AOX1: variants seen among roughly 807,000 people sequenced by gnomAD.
The protein encoded by AOX1 is aldehyde oxidase.
A neutral mutation model predicts 169.5 loss-of-function variants in AOX1; 153 were observed. The ratio of observed to expected loss-of-function variants is 0.90; its 90% CI spans 0.79 to 1.03. The LOEUF (loss-of-function observed/expected upper bound fraction) is 1.03. AOX1 is among the 50% of genes least tolerant of loss of function. AOX1 has a pLI of 0.00. For synonymous variants in AOX1, 562 were observed against 581.9 expected, an observed-to-expected ratio of 0.97 and a Z score of 0.49; for missense variants, 1,656 against 1,663.9, an observed-to-expected ratio of 1.00 and a Z score of 0.08.
At chr2:200,643,691 C>G (rs1280609074) in intron 25 of AOX1, among the ~76,000 whole-genome samples, 1 of 151,754 alleles carries the variant, frequency 6.6e-6, no homozygotes, top group African/African-American at 2.4e-5. Context: ...TAGATGTGTT[C>G]CCTGTTCACC....
intron 2 of AOX1, 152 bp downstream of exon 2, chr2:200,593,355 A>T (rs916398043): frequency 1.4e-6 from 1 of 691,036 alleles, no homozygotes; most frequent in Non-Finnish European, 2.4e-6. Flanking sequence ...AAGTCCTATC[A>T]TTTTATAGGC....
At chr2:200,626,040 T>G (rs1196928839) in intron 19 of AOX1, among the ~76,000 whole-genome samples, 1 of 152,188 alleles carries the variant, frequency 6.6e-6, no homozygotes, top group Non-Finnish European at 1.5e-5. Context: ...AACAACAACA[T>G]GAGCATAGCT....
intron 31 of AOX1, among the ~76,000 whole-genome samples, 164 bp from the exon 32 acceptor site, chr2:200,666,523 T>C (rs1025874020): frequency 5.9e-5 from 9 of 152,338 alleles, no homozygotes; most frequent in African/African-American, 2.2e-4. Context: ...AAGTTTTACA[T>C]AATAAACTTT....
chr2:200,657,186 A>ATTTTTT (rs1323706482), intron 27 of AOX1, among the ~76,000 whole-genome samples: 12 of 65,780 alleles, frequency 1.8e-4, no homozygotes, highest in Non-Finnish European at 2.6e-4. Context: ...ATATATATAT[A>ATTTTTT]TATATTTTTT....
At chr2:200,652,675 T>A (rs75434813) in intron 26 of AOX1, among the ~76,000 whole-genome samples, 1 of 152,218 alleles carries the variant, frequency 6.6e-6, no homozygotes, top group Non-Finnish European at 1.5e-5. Flanking sequence ...CATGGCGCAC[T>A]GCCTCTATTT....
At chr2:200,618,749 A>C (rs1434218213) in intron 16 of AOX1, among the ~76,000 whole-genome samples, 1 of 152,166 alleles carries the variant, frequency 6.6e-6, no homozygotes, top group Non-Finnish European at 1.5e-5. Context: ...GCACTGGAGA[A>C]CTGTACATTT....
In AOX1 at chr2:200,604,046, G is replaced by T; in HGVS notation, c.618G>T (p.Glu206Asp). The T allele has an allele frequency of 6.2e-7, 1 of 1,613,378 alleles. No homozygotes were observed. The highest frequency in any genetic ancestry group is 8.5e-7 in the Non-Finnish European group (1 of 1,179,360). Residue 206 changes from glutamate (E) to aspartate (D), a missense_variant, in exon 8 of 35, where the codon GAG becomes GAT. Coordinates refer to ENST00000374700, the MANE Select transcript of AOX1 (RefSeq NM_001159.4). ...GTCCAAAACTCTTCGCAGAAGAGGA[G>T]TTTCTGCCATTGGATCCAACCCAGG... is the stretch of plus-strand genomic sequence containing the variant. ...KTSPKLFAEEEFLPLDPTQEL... is the reference protein window; with the variant it reads ...KTSPKLFAEEDFLPLDPTQEL...
At chr2:200,651,261 G>A in intron 26 of AOX1, 60 bp downstream of exon 26, 1 of 1,479,770 alleles carries the variant, frequency 6.8e-7, no homozygotes, top group Non-Finnish European at 9.4e-7. Context: ...AAAGCAAGAG[G>A]TGTTGAGGAA....
chr2:200,669,471 A>C (rs1053111578), intron 33 of AOX1, 104 bp from the exon 34 acceptor site: 2 of 1,249,562 alleles, frequency 1.6e-6, no homozygotes, highest in South Asian at 3.0e-5. Context: ...AAATGTACAT[A>C]TGTAGTACGT....
In AOX1 at chr2:200,604,756, T is replaced by A. The variant is rs774683553; in HGVS notation, c.730T>A (p.Phe244Ile). The A allele has an allele frequency of 6.2e-7, 1 of 1,613,984 alleles. No homozygotes were observed. The highest frequency in any genetic ancestry group is 2.2e-5 in the East Asian group (1 of 44,864). The change falls in exon 9 of 35, where the codon TTT becomes ATT. Residue 244 changes from phenylalanine (F) to isoleucine (I), a missense_variant. Phe to Ile is a conservative substitution (Grantham distance 21, BLOSUM62 0). Transcript: ENST00000374700. ...RVFGSERMMW[F>I]SPVTLKELLE... is the part of the protein sequence containing the mutation. ...GTTTGGCAGTGAGAGAATGATGTGG[T>A]TTTCCCCCGTGACCCTGAAGGAACT...
intron 31 of AOX1, among the ~76,000 whole-genome samples, chr2:200,665,512 GC>G (rs1281730768): frequency 6.6e-6 from 1 of 152,152 alleles, no homozygotes; most frequent in Non-Finnish European, 1.5e-5. Context: ...GTTCACTGCA[GC>G]CTCTGCCTCC....
chr2:200,625,899 C>T (rs1235663509), intron 19 of AOX1, among the ~76,000 whole-genome samples: 1 of 152,076 alleles, frequency 6.6e-6, no homozygotes, highest in Non-Finnish European at 1.5e-5. Context: ...TTTAATCTGG[C>T]ACATGCTTTT....
intron 3 of AOX1, among the ~76,000 whole-genome samples, chr2:200,596,624 T>C (rs1299977792): frequency 1.3e-5 from 2 of 152,216 alleles, no homozygotes; most frequent in African/African-American, 4.8e-5. Context: ...TTGTTGGAAG[T>C]TGGTCTGGTT....
chr2:200,626,707 C>T (rs947561337), intron 19 of AOX1, among the ~76,000 whole-genome samples: 3 of 152,310 alleles, frequency 2.0e-5, no homozygotes, highest in African/African-American at 7.2e-5. Context: ...CTGCCCTGTG[C>T]AAATGAAATG....
rs2034453573 is a variant in AOX1, at chr2:200,603,414, T to C, written c.588+58T>C. The C allele has an allele frequency of 5.1e-6, 7 of 1,384,490 alleles. No individual in the cohort carries two copies. The East Asian group carries it at 1.4e-4, about 27-fold the overall frequency. The allele number at this position is 1,384,490 out of a possible 1,614,324, so 85.8% of individuals were successfully genotyped here. ...CTCAGGACATGAACAGGAGCCAACA[T>C]ACTCTTAGGAAGAACAAATGGCTAC... is the stretch of plus-strand genomic sequence containing the variant. On this transcript the variant is annotated intron_variant, in intron 7 of 34. Transcript: ENST00000374700.
intron 25 of AOX1, among the ~76,000 whole-genome samples, chr2:200,648,140 A>AT (rs933303760): frequency 2.6e-5 from 4 of 151,790 alleles, no homozygotes; most frequent in Admixed American, 6.6e-5. Context: ...AACTAGTGTG[A>AT]TTTTTTGGGG....
chr2:200,637,965 T>C (rs1205209389), intron 22 of AOX1, among the ~76,000 whole-genome samples: 1 of 152,164 alleles, frequency 6.6e-6, no homozygotes, highest in Non-Finnish European at 1.5e-5. Flanking sequence ...CCCAAAGCAA[T>C]GTCCTGGAGC....
chr2:200,602,574 G>A lies in AOX1; in HGVS notation c.498+229G>A, dbSNP rs149743107. 3.2e-4 allele frequency among the ~76,000 whole-genome samples: 48 copies of A among 152,280 alleles called. No homozygotes were observed. The East Asian group carries it at 9.3e-3, about 29-fold the overall frequency. ...ACCTGAGCATTTTGACACTGGCTGT[G>A]TGTCATTGCTTCCAAGAGGTCTTTC... On this transcript the variant is annotated intron_variant, in intron 6 of 34. Transcript: ENST00000374700.
At chr2:200,654,265 A>G (rs1038723621) in intron 26 of AOX1, among the ~76,000 whole-genome samples, 23 of 151,630 alleles carry the variant, frequency 1.5e-4, no homozygotes, top group Non-Finnish European at 3.1e-4. Context: ...TACCTCCTCA[A>G]TCGTCAGCAA....
Sources: gnomAD v4.1 joint callset for allele counts (sites outside exome capture counted in the v4.1 genomes callset) on GRCh38, gnomAD v4.1.1 for gene constraint, MANE v1.5 for transcripts, NCBI Gene and HGNC (gene_info 2026-07-23, HGNC 2026-07-21) for gene names.